KDM4C: variants seen among roughly 807,000 people sequenced by gnomAD.
KDM4C encodes the protein lysine-specific demethylase 4C.
A neutral mutation model predicts 129.3 loss-of-function variants in KDM4C; 81 were observed. The ratio of observed to expected loss-of-function variants is 0.63; its 90% CI spans 0.52 to 0.75. KDM4C has a LOEUF of 0.75. Ranked by LOEUF, KDM4C falls within the 30% of genes least tolerant of loss-of-function variation. The probability of loss-of-function intolerance (pLI) is 0.00; values close to 1 mark genes in which losing one functional copy is unlikely to be tolerated. For synonymous variants in KDM4C, 573 were observed against 456.1 expected, an observed-to-expected ratio of 1.26 and a Z score of -3.26; for missense variants, 1,457 against 1,304.0, an observed-to-expected ratio of 1.12 and a Z score of -1.81.
chr9:6,966,965 G>C (rs1404584421), intron 8 of KDM4C, among the ~76,000 whole-genome samples: 2 of 152,154 alleles, frequency 1.3e-5, no homozygotes, highest in South Asian at 4.1e-4. Context: ...AAAAACTGCT[G>C]CTCACCAAAT....
intron 8 of KDM4C, among the ~76,000 whole-genome samples, chr9:6,943,539 G>C (rs955347617): frequency 6.6e-6 from 1 of 152,072 alleles, no homozygotes; most frequent in African/African-American, 2.4e-5. Flanking sequence ...GCTGAGCATG[G>C]TGGCGTGTGC....
At chr9:6,842,897 T>A (rs1043502233) in intron 4 of KDM4C, among the ~76,000 whole-genome samples, 1 of 152,130 alleles carries the variant, frequency 6.6e-6, no homozygotes, top group Non-Finnish European at 1.5e-5. Flanking sequence ...TACTCAGCTC[T>A]CCACTTCCTG....
At chr9:6,798,536 CAG>C (rs1378195814) in intron 2 of KDM4C, among the ~76,000 whole-genome samples, 1 of 152,074 alleles carries the variant, frequency 6.6e-6, no homozygotes, top group Non-Finnish European at 1.5e-5. Context: ...GCACATGTTT[CAG>C]AGAGCACAGG....
Position 6,740,424 on chromosome 9 carries a change from T to C in KDM4C, c.49+19427T>C, listed in dbSNP as rs369239897. ...TTCACCGTGTTAGCCAGGATGGTCT[T>C]GATCTCCTGACCTTGTGATCCGCCC... On this transcript the variant is annotated intron_variant, in intron 1 of 17. Coordinates refer to the KDM4C transcript ENST00000536108. Among the ~76,000 whole-genome samples the C allele has an allele frequency of 1.5e-3, 231 of 151,866 alleles. 2 individuals carry two copies. The highest frequency in any genetic ancestry group is 3.4e-3 in the Middle Eastern group (1 of 290).
In KDM4C at chr9:7,130,561, A is replaced by G. The variant is rs114831073; in HGVS notation, c.2781+2325A>G. Among the ~76,000 whole-genome samples, 1,111 of 152,324 alleles carry G rather than the reference A, an allele frequency of 7.3e-3. 18 individuals carry two copies. The highest frequency in any genetic ancestry group is 0.026 in the African/African-American group (1,065 of 41,564). On this transcript the variant is annotated intron_variant, in intron 19 of 21. Coordinates refer to ENST00000381309, the MANE Select transcript of KDM4C (RefSeq NM_015061.6). Reference sequence around the variant, plus strand: ...CATGCCATTTAAATCAATGAGAATGAAAAAGCAAAACTCTTTACAGCTTGG... The same window carrying G: ...CATGCCATTTAAATCAATGAGAATGGAAAAGCAAAACTCTTTACAGCTTGG...
intron 15 of KDM4C, among the ~76,000 whole-genome samples, chr9:7,026,390 A>G (rs888385511): frequency 1.3e-5 from 2 of 151,874 alleles, no homozygotes; most frequent in African/African-American, 4.8e-5. Context: ...TCAGCACTTT[A>G]AATATGTCAT....
At chr9:6,990,869 A>G (rs1818616557) in intron 12 of KDM4C, among the ~76,000 whole-genome samples, 1 of 152,046 alleles carries the variant, frequency 6.6e-6, no homozygotes, top group Admixed American at 6.6e-5. Context: ...GTTTCTTTAC[A>G]TTGTCTTTAC....
chr9:6,820,637 C>G (rs921951005), intron 4 of KDM4C, among the ~76,000 whole-genome samples: 5 of 151,178 alleles, frequency 3.3e-5, no homozygotes, highest in Non-Finnish European at 1.5e-5. Context: ...AGGACTAGAT[C>G]AGAATAGTCA....
At chr9:7,014,262 A>G (rs1483793674) in intron 14 of KDM4C, 21 of 388,220 alleles carry the variant, frequency 5.4e-5, no homozygotes, top group Non-Finnish European at 8.7e-5. Flanking sequence ...TTGAGGAGTC[A>G]TGATGGGGTT....
intron 7 of KDM4C, among the ~76,000 whole-genome samples, chr9:6,889,347 T>G (rs1196331236): frequency 6.6e-6 from 1 of 151,998 alleles, no homozygotes; most frequent in African/African-American, 2.4e-5. Flanking sequence ...ATAAACTGTC[T>G]ATGCAGCAGT....
Position 6,993,927 on chromosome 9 carries a change from C to G in KDM4C, c.1786+3403C>G, listed in dbSNP as rs548104581. 5.3e-5 allele frequency among the ~76,000 whole-genome samples: 8 copies of G among 152,226 alleles called. No individual in the cohort carries two copies. In the South Asian group the frequency reaches 1.2e-3, roughly 24 times the overall value. ...CTCTCTCTAGCTTCATTTCCCTTAA[C>G]TTTGCGACGTGAGTCTTCCTTTCTG... is the stretch of plus-strand genomic sequence containing the variant. On this transcript the variant is annotated intron_variant, in intron 12 of 21. Coordinates refer to ENST00000381309, the MANE Select transcript of KDM4C (RefSeq NM_015061.6).
intron 4 of KDM4C, among the ~76,000 whole-genome samples, chr9:6,838,378 G>T (rs1836267496): frequency 6.6e-6 from 1 of 152,086 alleles, no homozygotes; most frequent in Non-Finnish European, 1.5e-5. Flanking sequence ...ATGTTAATTT[G>T]TGGAATAATT....
At chr9:7,005,457 A>G (rs1365869773) in intron 12 of KDM4C, among the ~76,000 whole-genome samples, 1 of 144,908 alleles carries the variant, frequency 6.9e-6, no homozygotes, top group South Asian at 2.2e-4. Flanking sequence ...AAAAAAGACC[A>G]CATGAGTAAA....
At chr9:7,064,324 A>G (rs1832117671) in intron 17 of KDM4C, among the ~76,000 whole-genome samples, 1 of 152,226 alleles carries the variant, frequency 6.6e-6, no homozygotes, top group Admixed American at 6.5e-5. Flanking sequence ...AAAATGTATT[A>G]CTAAAATCAA....
chr9:6,996,098 A>C (rs1202375924), intron 12 of KDM4C, among the ~76,000 whole-genome samples: 2 of 152,206 alleles, frequency 1.3e-5, no homozygotes, highest in East Asian at 3.9e-4. Flanking sequence ...TGTACCCATG[A>C]GGTAATTAAT....
At chr9:7,121,034 AC>A (rs1839431378) in intron 18 of KDM4C, among the ~76,000 whole-genome samples, 1 of 152,218 alleles carries the variant, frequency 6.6e-6, no homozygotes, top group South Asian at 2.1e-4. Context: ...AAATCCCATT[AC>A]CCAGAGTTAT....
At chr9:6,732,388 A>G (rs1817376467) in intron 1 of KDM4C, among the ~76,000 whole-genome samples, 1 of 144,908 alleles carries the variant, frequency 6.9e-6, no homozygotes, top group East Asian at 2.0e-4. Flanking sequence ...AAAAAAAAAA[A>G]AAAAAAAAAA....
rs1563926146 is a variant in KDM4C, at chr9:6,981,018, GAT to G, written c.1021_1022del (p.Tyr341HisfsTer3). ...DRYQLWKQGK[D>X]IYTIDHTKPT... The stretch of plus-strand genomic sequence containing the variant: ...ATATCAGCTTTGGAAACAAGGAAAG[GAT>G]ATATACACCATTGATCACACGAAGC... On this transcript the variant is annotated frameshift_variant, in exon 9 of 22. Coordinates refer to ENST00000381309, the MANE Select transcript of KDM4C (RefSeq NM_015061.6). LOFTEE classifies it high-confidence loss of function. The G allele has an allele frequency of 6.2e-7, 1 of 1,613,870 alleles. No homozygotes were observed.
rs146299547 is a variant in KDM4C at position 6,797,817 on chromosome 9, G to C, written c.144+4685G>C. On this transcript the variant is annotated intron_variant, in intron 2 of 21. Transcript: ENST00000381309. ...TTATTTCAAGGCAAGTAGTGCAAAT[G>C]CACATTTTAGCAGAAAGTTTCCCAC... 8.6e-3 allele frequency among the ~76,000 whole-genome samples: 1,311 copies of C among 152,322 alleles called. 12 individuals are homozygous for C. The highest frequency in any genetic ancestry group is 0.026 in the African/African-American group (1,085 of 41,582).
Sources: allele counts gnomAD v4.1 joint callset (sites outside exome capture counted in the v4.1 genomes callset), GRCh38; gene constraint gnomAD v4.1.1; transcripts MANE v1.5; gene names NCBI Gene and HGNC (gene_info 2026-07-23, HGNC 2026-07-21).